SLCO2B1: variants seen among roughly 807,000 people sequenced by gnomAD.
SLCO2B1 encodes the protein OATP-RP2.
SLCO2B1 carries 41 observed loss-of-function variants against 67.3 expected under a neutral mutation model. The ratio of observed to expected loss-of-function variants is 0.61; its 90% confidence interval spans 0.47 to 0.79. SLCO2B1 has a LOEUF of 0.79. SLCO2B1 is among the 30% of genes least tolerant of loss of function. The pLI is 0.00. For synonymous variants in SLCO2B1, 379 were observed against 381.4 expected (o/e 0.99, Z 0.07); for missense variants, 837 against 920.1 (o/e 0.91, Z 1.17).
rs373800926 is a variant in SLCO2B1 at position 75,204,592 on chromosome 11, G to A, written c.*12G>A. On this transcript the variant is annotated 3_prime_UTR_variant, in exon 14 of 14. Transcript: ENST00000289575. ...ATTCCCGAGTGTGAGCTGTCTTGGG[G>A]CCCCACCTGGCCAAGAGTAGCAGCC... 20 of 1,592,820 alleles carry A rather than the reference G, an allele frequency of 1.3e-5. No individual in the cohort carries two copies. Among genetic ancestry groups the A allele is most frequent in the Admixed American group, 1.7e-5 (1 of 57,264 alleles).
Position 75,204,517 on chromosome 11 carries a change from T to G in SLCO2B1, c.2067T>G (p.Pro689=). The G allele has an allele frequency of 6.2e-7, 1 of 1,613,350 alleles. No homozygotes were observed. The highest frequency in any genetic ancestry group is 8.5e-7 in the Non-Finnish European group (1 of 1,179,634). The part of the protein sequence containing the change: ...EARTKESRSS[P]AVEQQLLVSG... ...GGACCAAAGAGAGCAGATCCAGCCC[T>G]GCCGTAGAGCAGCAATTGCTAGTGT... The change falls in exon 14 of 14, where the codon CCT becomes CCG. Residue 689 remains proline (P), a synonymous_variant. Transcript: ENST00000289575.
rs778109080 is a variant in SLCO2B1 at position 75,163,997 on chromosome 11, C to T, written c.182C>T (p.Ala61Val). 1.3e-5 allele frequency: 21 copies of T among 1,604,128 alleles called. No homozygotes were observed. Among genetic ancestry groups the T allele is most frequent in the African/African-American group, 2.7e-5 (2 of 74,572 alleles). Residue 61 changes from alanine to valine, a missense_variant, in exon 3 of 14, where the codon GCG becomes GTG. Physicochemically the swap from Ala to Val is moderately conservative, Grantham distance 64. Transcript: ENST00000289575. ...FVLCHSLLQL[A>V]QLMISGYLKS... Reference sequence around the variant, plus strand: ...CTGTGCCACAGCCTGCTGCAGCTGGCGCAGCTCATGATCTCCGGCTACCTA... The same window carrying T: ...CTGTGCCACAGCCTGCTGCAGCTGGTGCAGCTCATGATCTCCGGCTACCTA...
At chr11:75,183,407 T>C (rs1013639121) in intron 7 of SLCO2B1, among the ~76,000 whole-genome samples, 1 of 152,142 alleles carries the variant, frequency 6.6e-6, no homozygotes, top group African/African-American at 2.4e-5. Flanking sequence ...CAGGCTGCCT[T>C]ACCCAAAAAA....
In SLCO2B1 at chr11:75,204,687, C is replaced by T; in HGVS notation, c.*107C>T. 2 of 978,488 alleles carry T rather than the reference C, an allele frequency of 2.0e-6. No individual in the cohort carries two copies. The highest frequency in any genetic ancestry group is 1.4e-6 in the Non-Finnish European group (1 of 690,834). 60.6% of individuals were successfully genotyped at this position (978,488 alleles called of 1,614,324 possible). A position where few individuals can be genotyped will look rare whatever the true frequency, so the allele number is the denominator to read the frequency against. On this transcript the variant is annotated 3_prime_UTR_variant, in exon 14 of 14. Transcript: ENST00000289575. ...AGAGCCCTGTGTTCCATTCTGGCTCCTCCACTAAATTGCTGTGTGACTTCA... is the reference window on the plus strand; with the variant it reads ...AGAGCCCTGTGTTCCATTCTGGCTCTTCCACTAAATTGCTGTGTGACTTCA...
intron 7 of SLCO2B1, among the ~76,000 whole-genome samples, chr11:75,183,563 C>T (rs1950113201): frequency 6.6e-6 from 1 of 152,130 alleles, no homozygotes; most frequent in African/African-American, 2.4e-5. Context: ...GTTGCTCTGT[C>T]ACCTAGGCTA....
intron 1 of SLCO2B1, among the ~76,000 whole-genome samples, chr11:75,155,785 G>A (rs1270995049): frequency 6.6e-6 from 1 of 152,216 alleles, no homozygotes; most frequent in Non-Finnish European, 1.5e-5. Flanking sequence ...AAAGATAAGT[G>A]GTTTGCTGGG....
At chr11:75,179,652 C>A (rs916037319) in intron 7 of SLCO2B1, among the ~76,000 whole-genome samples, 3 of 152,172 alleles carry the variant, frequency 2.0e-5, no homozygotes, top group Non-Finnish European at 4.4e-5. Context: ...ATTTATTTTT[C>A]AATGTATAAC....
At chr11:75,169,094 A>G in intron 4 of SLCO2B1, 79 bp from the exon 5 acceptor site, 4 of 1,185,452 alleles carry the variant, frequency 3.4e-6, no homozygotes, top group Non-Finnish European at 4.7e-6. Context: ...CACAGCACTT[A>G]GAACAGTACC....
chr11:75,158,538 A>G (rs1045084610), intron 1 of SLCO2B1, among the ~76,000 whole-genome samples: 1 of 152,074 alleles, frequency 6.6e-6, no homozygotes, highest in African/African-American at 2.4e-5. Flanking sequence ...TGAGAATCTT[A>G]TGACCTATTT....
chr11:75,160,884 C>A (rs1357084641), intron 1 of SLCO2B1, among the ~76,000 whole-genome samples: 1 of 152,152 alleles, frequency 6.6e-6, no homozygotes, highest in Non-Finnish European at 1.5e-5. Context: ...ACTGAGATAC[C>A]ACCTCTACCC....
chr11:75,151,466 G>C, intron 1 of SLCO2B1, 69 bp downstream of exon 1: 1 of 1,566,266 alleles, frequency 6.4e-7, no homozygotes, highest in East Asian at 2.2e-5. Flanking sequence ...AGAGAAAAGG[G>C]TGAGGCCGTA....
intron 4 of SLCO2B1, among the ~76,000 whole-genome samples, chr11:75,168,738 C>T (rs1355557148): frequency 6.6e-6 from 1 of 152,322 alleles, no homozygotes; most frequent in East Asian, 1.9e-4. Context: ...TTTCAAGTCC[C>T]TGGGTTTTGC....
At chr11:75,196,366 C>A in intron 9 of SLCO2B1, 148 bp from the exon 10 acceptor site, 1 of 746,796 alleles carries the variant, frequency 1.3e-6, no homozygotes, top group Non-Finnish European at 2.1e-6. Context: ...CACTATCACG[C>A]CATCATCGGG....
At chr11:75,179,666 T>G in intron 7 of SLCO2B1, among the ~76,000 whole-genome samples, 1 of 152,264 alleles carries the variant, frequency 6.6e-6, no homozygotes, top group East Asian at 1.9e-4. Flanking sequence ...GTATAACCAA[T>G]CAATAGAATG....
At chr11:75,194,918 G>A (rs1945078791) in intron 9 of SLCO2B1, among the ~76,000 whole-genome samples, 1 of 152,120 alleles carries the variant, frequency 6.6e-6, no homozygotes, top group African/African-American at 2.4e-5. Context: ...CTAATTCACT[G>A]AAGAGACCAT....
rs78503750 is a variant in SLCO2B1 at position 75,165,700 on chromosome 11, C to T, written c.286-87C>T. ...TCAGTCCATTATTCAGATGGGCATACGGAAGTTAGACATAGAGACAAGGAT... is the reference window on the plus strand; with the variant it reads ...TCAGTCCATTATTCAGATGGGCATATGGAAGTTAGACATAGAGACAAGGAT... On this transcript the variant is annotated intron_variant, in intron 3 of 13. Coordinates refer to ENST00000289575, the MANE Select transcript of SLCO2B1 (RefSeq NM_007256.5). 5.3e-4 allele frequency: 732 copies of T among 1,372,958 alleles called. 8 individuals carry two copies. In the East Asian group the frequency reaches 0.012, roughly 23 times the overall value. 85.0% of individuals were successfully genotyped at this position (1,372,958 alleles called of 1,614,324 possible).
At chr11:75,186,021 C>T (rs1301344582) in intron 7 of SLCO2B1, among the ~76,000 whole-genome samples, 1 of 152,098 alleles carries the variant, frequency 6.6e-6, no homozygotes, top group South Asian at 2.1e-4. Flanking sequence ...CATCTAGAGG[C>T]TAAGAATGCC....
chr11:75,203,301 C>A lies in SLCO2B1; in HGVS notation c.1829-6C>A. 2 of 1,612,956 alleles carry A rather than the reference C, an allele frequency of 1.2e-6. No individual in the cohort carries two copies. Among genetic ancestry groups the A allele is most frequent in the Non-Finnish European group, 1.7e-6 (2 of 1,179,928 alleles). ...TTCATTGTCCCCTGAGCACCACCTC[C>A]CTCAGCCTGGATGCCCAGCCCCGTG... On this transcript the variant is annotated splice_polypyrimidine_tract_variant and splice_region_variant and intron_variant, in intron 12 of 13. Transcript: ENST00000289575.
At position 75,162,761 on chromosome 11, in the gene SLCO2B1, G is replaced by T. The variant is rs1347688184; in HGVS notation, c.123G>T (p.Arg41=). Residue 41 remains arginine, a synonymous_variant, in exon 2 of 14, where the codon CGG becomes CGT. Coordinates refer to ENST00000289575, the MANE Select transcript of SLCO2B1 (RefSeq NM_007256.5). ...CCAGCCCAGACCCTCAGGACGTGCG[G>T]CCAAGTGTGTTCCATAACATCAAGG... ...GKASPDPQDV[R]PSVFHNIKLF... is the part of the protein sequence containing the mutation. The T allele has an allele frequency of 4.3e-6, 7 of 1,613,844 alleles. No individual in the cohort carries two copies. The highest frequency in any genetic ancestry group is 5.9e-6 in the Non-Finnish European group (7 of 1,179,914).
Sources: gnomAD v4.1 joint callset for allele counts (sites outside exome capture counted in the v4.1 genomes callset) on GRCh38, gnomAD v4.1.1 for gene constraint, MANE v1.5 for transcripts, NCBI Gene and HGNC (gene_info 2026-07-23, HGNC 2026-07-21) for gene names.